The following STXBP4 variants were observed in gnomAD, a reference collection of about 807,000 sequenced individuals.
STXBP4 encodes syntaxin-binding protein 4.
In STXBP4, 55 loss-of-function variants were observed where a neutral mutation model predicts 76.1. The observed-to-expected ratio is 0.72, with a 90% CI of 0.58 to 0.91. The LOEUF (loss-of-function observed/expected upper bound fraction) is 0.91, where lower values mean the gene tolerates loss of function less well. Ranked by LOEUF, STXBP4 falls within the 40% of genes least tolerant of loss-of-function variation. STXBP4 has a pLI of 0.00. For missense variants in STXBP4, 618 were observed against 636.9 expected (o/e 0.97, Z 0.32); for synonymous variants, 201 against 220.2 (o/e 0.91, Z 0.77).
intron 12 of STXBP4, among the ~76,000 whole-genome samples, chr17:55,048,707 T>G: frequency 6.6e-6 from 1 of 151,730 alleles, no homozygotes; most frequent in East Asian, 1.9e-4. Context: ...AAATGAAAAC[T>G]AAATTACAAG....
At chr17:55,072,081 T>G (rs956024765) in intron 12 of STXBP4, among the ~76,000 whole-genome samples, 2 of 152,146 alleles carry the variant, frequency 1.3e-5, no homozygotes, top group Non-Finnish European at 2.9e-5. Context: ...TATACCTGTA[T>G]GGGGTTTTTT....
chr17:55,099,488 C>T (rs1461606043), intron 16 of STXBP4, among the ~76,000 whole-genome samples: 2 of 152,138 alleles, frequency 1.3e-5, no homozygotes, highest in Non-Finnish European at 1.5e-5. Flanking sequence ...AGAAACTGTA[C>T]TGAATACTGT....
chr17:55,116,848 C>T (rs2079785998), intron 16 of STXBP4, among the ~76,000 whole-genome samples: 1 of 151,684 alleles, frequency 6.6e-6, no homozygotes, highest in African/African-American at 2.4e-5. Context: ...TGTAGAAAAA[C>T]AATGTATTCC....
chr17:55,053,655 G>A (rs1451675850), intron 12 of STXBP4, among the ~76,000 whole-genome samples: 1 of 151,704 alleles, frequency 6.6e-6, no homozygotes, highest in Non-Finnish European at 1.5e-5. Flanking sequence ...TCTATTTTCG[G>A]GCCAATTTTC....
At chr17:55,178,755 G>A in the STXBP4 span, among the ~76,000 whole-genome samples, 1 of 152,288 alleles carries the variant, frequency 6.6e-6, no homozygotes, top group Admixed American at 6.5e-5. Context: ...GACAGCTGAG[G>A]TCCAGTTCAA....
intron 12 of STXBP4, 47 bp downstream of exon 12, chr17:55,047,201 T>TGC (rs765814616): frequency 2.9e-6 from 3 of 1,050,444 alleles, no homozygotes; most frequent in Non-Finnish European, 4.3e-6. Context: ...TGTGTGTGTG[T>TGC]GTGTGTGTGT....
chr17:55,057,401 G>C (rs1036264980), intron 12 of STXBP4, among the ~76,000 whole-genome samples: 1 of 152,162 alleles, frequency 6.6e-6, no homozygotes, highest in Non-Finnish European at 1.5e-5. Context: ...GTTAGCAACT[G>C]TATCTATGAT....
chr17:55,119,616 A>T (rs244345), intron 16 of STXBP4, among the ~76,000 whole-genome samples: 96,652 of 151,386 alleles, frequency 0.64, 31,684 homozygotes, highest in African/African-American at 0.79. Context: ...TTTGACCTAA[A>T]AAAGATTGGA....
the STXBP4 span, among the ~76,000 whole-genome samples, chr17:55,189,113 G>A: frequency 3.9e-5 from 6 of 151,990 alleles, no homozygotes; most frequent in African/African-American, 7.3e-5. Context: ...TCCCCTTTGC[G>A]TGCTCAGTAC....
intron 12 of STXBP4, among the ~76,000 whole-genome samples, chr17:55,054,430 A>G (rs757428849): frequency 6.6e-6 from 1 of 152,100 alleles, no homozygotes; most frequent in Non-Finnish European, 1.5e-5. Context: ...TGGAGGCTGC[A>G]GTGAGCTGAG....
the STXBP4 span, among the ~76,000 whole-genome samples, chr17:55,191,569 T>C: frequency 1.3e-5 from 2 of 152,172 alleles, no homozygotes; most frequent in African/African-American, 2.4e-5. Flanking sequence ...TCTTCTGTTA[T>C]AGTTCATCTG....
intron 8 of STXBP4, among the ~76,000 whole-genome samples, chr17:55,028,923 CA>C (rs2078459711): frequency 6.6e-6 from 1 of 152,078 alleles, no homozygotes; most frequent in South Asian, 2.1e-4. Context: ...GTTTGGAGAA[CA>C]ATTCAACAAT....
Position 55,165,108 on chromosome 17 carries a change from A to G in STXBP4, c.*5197A>G, listed in dbSNP as rs1430647745. ...GTTCATTACGTTAACAAAGAGTGTG[A>G]TATCAGAAAGCAGAAAAAAGCATGT... On this transcript the variant is annotated 3_prime_UTR_variant, in exon 18 of 18. Coordinates refer to ENST00000376352, the MANE Select transcript of STXBP4 (RefSeq NM_178509.6). 6.6e-6 allele frequency: 1 copy of G among 152,238 alleles called. No individual in the cohort carries two copies. The highest frequency in any genetic ancestry group is 1.5e-5 in the Non-Finnish European group (1 of 68,036). 9.4% of individuals were successfully genotyped at this position (152,238 alleles called of 1,614,324 possible). A position where few individuals can be genotyped will look rare whatever the true frequency, so the allele number is the denominator to read the frequency against.
chr17:55,186,768 T>C, the STXBP4 span, among the ~76,000 whole-genome samples: 2 of 152,346 alleles, frequency 1.3e-5, no homozygotes, highest in African/African-American at 2.4e-5. Flanking sequence ...TCATGAAGGC[T>C]AAATGACAAA....
At chr17:55,092,862 C>T (rs1314997883) in intron 16 of STXBP4, among the ~76,000 whole-genome samples, 4 of 152,194 alleles carry the variant, frequency 2.6e-5, no homozygotes, top group Admixed American at 2.6e-4. Flanking sequence ...ATGGCGTCTT[C>T]TCATTCTACT....
At chr17:55,052,885 TAAAAAAAA>T (rs57404823) in intron 12 of STXBP4, among the ~76,000 whole-genome samples, 1 of 104,032 alleles carries the variant, frequency 9.6e-6, no homozygotes, top group Non-Finnish European at 1.9e-5. Flanking sequence ...AAGTTTTGTT[TAAAAAAAA>T]AAAAAAAAAA....
intron 16 of STXBP4, among the ~76,000 whole-genome samples, chr17:55,123,987 C>T (rs1221313487): frequency 6.6e-6 from 1 of 151,936 alleles, no homozygotes; most frequent in African/African-American, 2.4e-5. Context: ...CTCCTAATTT[C>T]TATTAATACC....
At chr17:54,982,814 C>A (rs566549102) in intron 1 of STXBP4, among the ~76,000 whole-genome samples, 5 of 152,240 alleles carry the variant, frequency 3.3e-5, no homozygotes, top group Non-Finnish European at 7.4e-5. Flanking sequence ...TCTGTTTAAT[C>A]AATAGTGTCA....
chr17:55,072,051 C>G (rs1241391704), intron 12 of STXBP4, among the ~76,000 whole-genome samples: 1 of 152,108 alleles, frequency 6.6e-6, no homozygotes, highest in Non-Finnish European at 1.5e-5. Context: ...GCTACCCTTT[C>G]CTCTTCCTAA....
Sources: allele counts gnomAD v4.1 joint callset (sites outside exome capture counted in the v4.1 genomes callset), GRCh38; gene constraint gnomAD v4.1.1; transcripts MANE v1.5; gene names NCBI Gene and HGNC (gene_info 2026-07-23, HGNC 2026-07-21).